Variants in BRIP1 observed in about 807,000 individuals in gnomAD.
The protein encoded by BRIP1 is Fanconi anemia group J protein.
Under a neutral mutation model 119.7 loss-of-function variants are expected in BRIP1, and 88 were observed. That is an observed-to-expected ratio of 0.74 (90% CI 0.62 to 0.88). The LOEUF is 0.88. Among genes scored for constraint, BRIP1 ranks in the 40% least tolerant of loss-of-function variants. The pLI is 0.00. For synonymous variants in BRIP1, 443 were observed against 496.5 expected (o/e 0.89, Z 1.43); for missense variants, 1,259 against 1,455.4 (o/e 0.87, Z 2.20).
At position 61,803,658 on chromosome 17, in the gene BRIP1, AT is replaced by A. The variant is rs1406435400; in HGVS notation, c.919-2185del. ...ACTCATTATGTGCATTAATAAAAAA[AT>A]AAAATGTTTGATAAAACCCAGCCCT... On this transcript the variant is annotated intron_variant, in intron 7 of 19. Transcript: ENST00000259008. The surrounding 1 kb of genome is among the most constrained non-coding windows in gnomAD (Gnocchi z 4.3). 1.3e-5 allele frequency among the ~76,000 whole-genome samples: 2 copies of A among 152,190 alleles called. No homozygotes were observed. The highest frequency in any genetic ancestry group is 2.4e-5 in the African/African-American group (1 of 41,458).
Position 61,684,009 on chromosome 17 carries a change from T to C in BRIP1, c.3037A>G (p.Thr1013Ala), listed in dbSNP as rs1278002478. 1.2e-6 allele frequency: 2 copies of C among 1,614,068 alleles called. No individual in the cohort carries two copies. The highest frequency in any genetic ancestry group is 2.7e-5 in the African/African-American group (2 of 74,922). Residue 1013 changes from threonine to alanine, a missense_variant, in exon 20 of 20, where the codon ACT (threonine) becomes GCT (alanine). Coordinates refer to ENST00000259008, the MANE Select transcript of BRIP1 (RefSeq NM_032043.3). This position sits in a 1 kb window ranked among gnomAD's most constrained non-coding sequence, Gnocchi z 4.5. The part of the protein sequence containing the change: ...SSFNSLGQYF[T>A]GKIPKATPEL... Reference sequence around the variant, plus strand: ...GGTGTTGCCTTCGGTATTTTACCAGTAAAATACTGTCCCAAAGAATTAAAG... The same window carrying C: ...GGTGTTGCCTTCGGTATTTTACCAGCAAAATACTGTCCCAAAGAATTAAAG...
rs113705111 is a variant in BRIP1, at chr17:61,754,175, T to C, written c.2098-9584A>G. On this transcript the variant is annotated intron_variant, in intron 14 of 19. Transcript: ENST00000259008. This position sits in a 1 kb window ranked among gnomAD's most constrained non-coding sequence, Gnocchi z 4.1. ...AACCCTCCAATGGCTTCCTACTGCA[T>C]TTAGAACAAAATCTAAATTCTTACT... is the stretch of plus-strand genomic sequence containing the variant. Among the ~76,000 whole-genome samples, 25 of 152,302 alleles carry C rather than the reference T, an allele frequency of 1.6e-4. No individual in the cohort carries two copies. Among genetic ancestry groups the C allele is most frequent in the African/African-American group, 5.3e-4 (22 of 41,572 alleles).
chr17:61,761,420 AAG>A lies in BRIP1; in HGVS notation c.2097+14979_2097+14980del, dbSNP rs1603311131. Among the ~76,000 whole-genome samples, 1 of 152,024 alleles carries A rather than the reference AAG, an allele frequency of 6.6e-6. No homozygotes were observed. The highest frequency in any genetic ancestry group is 6.6e-5 in the Admixed American group (1 of 15,236). ...GAAGTCCTTGCCAGAAAAATTTAGA[AAG>A]AGAAAGAAATAAAAAGCATCCAAAT... On this transcript the variant is annotated intron_variant, in intron 14 of 19. Coordinates refer to ENST00000259008, the MANE Select transcript of BRIP1 (RefSeq NM_032043.3). This position sits in a 1 kb window ranked among gnomAD's most constrained non-coding sequence, Gnocchi z 6.4.
intron 6 of BRIP1, among the ~76,000 whole-genome samples, chr17:61,813,660 A>G (rs772775229): frequency 6.6e-6 from 1 of 152,080 alleles, no homozygotes; most frequent in Non-Finnish European, 1.5e-5. Context: ...ACAAACATAT[A>G]TCCCAATATT....
chr17:61,721,398 TA>T (rs2061972490), intron 16 of BRIP1, among the ~76,000 whole-genome samples: 1 of 151,122 alleles, frequency 6.6e-6, no homozygotes, highest in African/African-American at 2.4e-5. Context: ...GCCTCCCGAG[TA>T]GCTGAGACTA....
chr17:61,863,034 C>A (rs894568113), intron 1 of BRIP1, among the ~76,000 whole-genome samples: 1 of 152,148 alleles, frequency 6.6e-6, no homozygotes, highest in Admixed American at 6.5e-5. Flanking sequence ...TAGCTTCCCC[C>A]AAACATTGCA....
rs1390217785 is a variant in BRIP1, at chr17:61,760,589, TGAG to T, written c.2097+15809_2097+15811del. On this transcript the variant is annotated intron_variant, in intron 14 of 19. Transcript: ENST00000259008. The surrounding 1 kb of genome is among the most constrained non-coding windows in gnomAD (Gnocchi z 4.6). ...ATATTCAAATAAAATGAGAAACAAATGAGGAGATATTATAACTGATACCACAGA... is the reference window on the plus strand; with the variant it reads ...ATATTCAAATAAAATGAGAAACAAATGAGATATTATAACTGATACCACAGA... Among the ~76,000 whole-genome samples, 1 of 151,456 alleles carries T rather than the reference TGAG, an allele frequency of 6.6e-6. No individual in the cohort carries two copies. Among genetic ancestry groups the T allele is most frequent in the African/African-American group, 2.4e-5 (1 of 41,266 alleles).
chr17:61,776,199 T>C lies in BRIP1; in HGVS notation c.2097+202A>G. On this transcript the variant is annotated intron_variant, in intron 14 of 19. Transcript: ENST00000259008. The surrounding 1 kb of genome is among the most constrained non-coding windows in gnomAD (Gnocchi z 5.0). ...GTCCAGCCTTGCTCTTTCAGACTTT[T>C]AAGTAAAACAGAGGTAGGACAATCA... 1.7e-6 allele frequency: 1 copy of C among 605,526 alleles called. No individual in the cohort carries two copies. Among genetic ancestry groups the C allele is most frequent in the Non-Finnish European group, 2.8e-6 (1 of 357,294 alleles). The allele number at this position is 605,526 out of a possible 1,614,324, so 37.5% of individuals were successfully genotyped here. A position where few individuals can be genotyped will look rare whatever the true frequency, so the allele number is the denominator to read the frequency against.
At chr17:61,801,695 C>T (rs1023544188) in intron 7 of BRIP1, among the ~76,000 whole-genome samples, 2 of 152,126 alleles carry the variant, frequency 1.3e-5, no homozygotes, top group African/African-American at 4.8e-5. Flanking sequence ...AAGTCCAAAT[C>T]GGAAGAGCTC....
In BRIP1 at chr17:61,808,547, C is replaced by G. The variant is rs2078109366; in HGVS notation, c.838G>C (p.Asp280His). The G allele has an allele frequency of 6.2e-7, 1 of 1,613,600 alleles. No individual in the cohort carries two copies. The highest frequency in any genetic ancestry group is 1.3e-5 in the African/African-American group (1 of 75,024). Residue 280 changes from aspartate to histidine, a missense_variant, in exon 7 of 20, where the codon GAT (aspartate) becomes CAT (histidine). Physicochemically the swap from Asp to His is moderately conservative, Grantham distance 81 (BLOSUM62 -1). Transcript: ENST00000259008. The surrounding 1 kb of genome is among the most constrained non-coding windows in gnomAD (Gnocchi z 4.1). Reference sequence around the variant, plus strand: ...ACCTCAGGATGGACACAAGTATGATCCCTGCTGGAAAGAATAGTCATTGGA... The same window carrying G: ...ACCTCAGGATGGACACAAGTATGATGCCTGCTGGAAAGAATAGTCATTGGA... ...GVPMTILSSR[D>H]HTCVHPEVVG...
chr17:61,784,282 C>A lies in BRIP1; in HGVS notation c.1616G>T (p.Arg539Met), dbSNP rs199616792. Residue 539 changes from arginine to methionine, a missense_variant, in exon 11 of 20, where the codon AGG becomes ATG. Coordinates refer to ENST00000259008, the MANE Select transcript of BRIP1 (RefSeq NM_032043.3). ...GLFMVLDYLF[R>M]QNSRFADDYK... ...TATCTTCACTTACCTGCTATTTTGC[C>A]TAAAAAGATAGTCAAGTACCATAAA... 1 of 1,612,406 alleles carries A rather than the reference C, an allele frequency of 6.2e-7. No homozygotes were observed. Among genetic ancestry groups the A allele is most frequent in the African/African-American group, 1.3e-5 (1 of 74,840 alleles).
intron 14 of BRIP1, among the ~76,000 whole-genome samples, chr17:61,772,205 AT>A (rs1567804798): frequency 4.2e-4 from 46 of 110,060 alleles, no homozygotes; most frequent in African/African-American, 6.2e-4. Flanking sequence ...ATATATATAT[AT>A]ATAAAATGAA....
rs181246444 is a variant in BRIP1 at position 61,752,887 on chromosome 17, G to A, written c.2098-8296C>T. Among the ~76,000 whole-genome samples the A allele has an allele frequency of 1.6e-3, 243 of 152,276 alleles. No homozygotes were observed. The highest frequency in any genetic ancestry group is 5.8e-3 in the African/African-American group (239 of 41,544). On this transcript the variant is annotated intron_variant, in intron 14 of 19. Coordinates refer to ENST00000259008, the MANE Select transcript of BRIP1 (RefSeq NM_032043.3). The surrounding 1 kb of genome is among the most constrained non-coding windows in gnomAD (Gnocchi z 6.2). ...GAAAAAGGTTCACAGGTGCTCTGTA[G>A]GTATATGATTAGCCCAAATATGATT...
intron 16 of BRIP1, among the ~76,000 whole-genome samples, chr17:61,719,726 G>GA (rs746285189): frequency 8.6e-4 from 115 of 133,758 alleles, no homozygotes; most frequent in East Asian, 1.5e-3. Context: ...CTCTGTCTCG[G>GA]AAAAAAAAAA....
Position 61,758,442 on chromosome 17 carries a change from A to G in BRIP1, c.2098-13851T>C, listed in dbSNP as rs542682022. On this transcript the variant is annotated intron_variant, in intron 14 of 19. Coordinates refer to ENST00000259008, the MANE Select transcript of BRIP1 (RefSeq NM_032043.3). The surrounding 1 kb of genome is among the most constrained non-coding windows in gnomAD (Gnocchi z 5.3). The stretch of plus-strand genomic sequence containing the variant: ...ACTATAATGTTACCTAAAAGTTACT[A>G]CTTTCAAGTATTGCCATCTGAATCT... 6.6e-6 allele frequency among the ~76,000 whole-genome samples: 1 copy of G among 152,354 alleles called. No homozygotes were observed. Among genetic ancestry groups the G allele is most frequent in the African/African-American group, 2.4e-5 (1 of 41,590 alleles).
chr17:61,763,354 C>T (rs2077305664), intron 14 of BRIP1, among the ~76,000 whole-genome samples: 1 of 152,064 alleles, frequency 6.6e-6, no homozygotes, highest in African/African-American at 2.4e-5. Flanking sequence ...TGAGAGCTGT[C>T]TATACTGTCC....
intron 19 of BRIP1, chr17:61,685,224 T>C (rs2061343170): frequency 6.6e-6 from 1 of 152,596 alleles, no homozygotes; most frequent in Non-Finnish European, 1.5e-5. Flanking sequence ...CTACATTTCA[T>C]TAAACTTTAT....
intron 6 of BRIP1, among the ~76,000 whole-genome samples, chr17:61,821,177 C>T (rs577679069): frequency 6.6e-6 from 1 of 152,224 alleles, no homozygotes; most frequent in South Asian, 2.1e-4. Flanking sequence ...GCTACAGTTA[C>T]ATCCTATGCA....
intron 6 of BRIP1, among the ~76,000 whole-genome samples, chr17:61,837,884 AAG>A (rs1281365384): frequency 6.6e-6 from 1 of 152,138 alleles, no homozygotes; most frequent in African/African-American, 2.4e-5. Flanking sequence ...CCGACTTGAA[AAG>A]AGAGTTAGGA....
Sources: allele counts gnomAD v4.1 joint callset (sites outside exome capture counted in the v4.1 genomes callset), GRCh38; gene constraint gnomAD v4.1.1; non-coding constraint Gnocchi (gnomAD v3.1); transcripts MANE v1.5; gene names NCBI Gene and HGNC (gene_info 2026-07-23, HGNC 2026-07-21).